The following PPM1E variants were observed in gnomAD, a reference collection of about 807,000 sequenced individuals.
PPM1E encodes the protein protein phosphatase, Mg2+/Mn2+ dependent 1E, also known as protein phosphatase 1E.
A neutral mutation model predicts 65.9 loss-of-function variants in PPM1E; 20 were observed. The observed-to-expected ratio is 0.30, with a 90% CI of 0.21 to 0.44. The LOEUF (loss-of-function observed/expected upper bound fraction) is 0.44. Among genes scored for constraint, PPM1E ranks in the 20% least tolerant of loss-of-function variants. The pLI is 1.00. For missense variants in PPM1E, 713 were observed against 953.1 expected, an observed-to-expected ratio of 0.75 and a Z score of 3.32; for synonymous variants, 352 against 374.9, an observed-to-expected ratio of 0.94 and a Z score of 0.70.
chr17:58,845,389 G>C, intron 1 of PPM1E, among the ~76,000 whole-genome samples: 1 of 150,858 alleles, frequency 6.6e-6, no homozygotes, highest in East Asian at 1.9e-4. Flanking sequence ...CAATTTATTG[G>C]TATTAAGTAT....
At chr17:58,963,410 C>G (rs559604944) in intron 2 of PPM1E, among the ~76,000 whole-genome samples, 1 of 140,684 alleles carries the variant, frequency 7.1e-6, no homozygotes, top group Admixed American at 7.2e-5. Context: ...AAAACTTGGC[C>G]GGGCACAGTG....
intron 1 of PPM1E, among the ~76,000 whole-genome samples, chr17:58,865,599 C>G (rs1005052251): frequency 3.9e-5 from 6 of 152,148 alleles, no homozygotes; most frequent in African/African-American, 1.4e-4. Context: ...ACTCAGAAGG[C>G]TGAGGCAGGA....
chr17:58,853,323 G>C (rs2050847064), intron 1 of PPM1E, among the ~76,000 whole-genome samples: 2 of 152,098 alleles, frequency 1.3e-5, no homozygotes, highest in Admixed American at 1.3e-4. Context: ...TCTTTTGCTT[G>C]TGGATATCCA....
chr17:58,863,798 C>T (rs936454445), intron 1 of PPM1E, among the ~76,000 whole-genome samples: 8 of 152,174 alleles, frequency 5.3e-5, no homozygotes, highest in East Asian at 1.9e-4. Context: ...AACACCTCTC[C>T]GACCATCCCC....
chr17:58,829,214 G>A (rs2050573900), intron 1 of PPM1E, among the ~76,000 whole-genome samples: 1 of 151,734 alleles, frequency 6.6e-6, no homozygotes, highest in Admixed American at 6.6e-5. Flanking sequence ...GGCTAATTTT[G>A]TATATTCAGT....
intron 1 of PPM1E, among the ~76,000 whole-genome samples, chr17:58,841,422 A>G (rs553197761): frequency 5.3e-5 from 8 of 152,268 alleles, no homozygotes; most frequent in African/African-American, 1.9e-4. Flanking sequence ...TTGATATCAT[A>G]TATACCCTCA....
chr17:58,789,498 C>T (rs778377107), intron 1 of PPM1E, among the ~76,000 whole-genome samples: 6 of 152,102 alleles, frequency 3.9e-5, no homozygotes, highest in African/African-American at 1.2e-4. Flanking sequence ...GTTAAATTTA[C>T]ACTGCTTTCA....
intron 3 of PPM1E, among the ~76,000 whole-genome samples, chr17:58,968,618 T>C (rs907877073): frequency 6.6e-6 from 1 of 152,170 alleles, no homozygotes; most frequent in Non-Finnish European, 1.5e-5. Context: ...TCAAAAGACT[T>C]GCAAATGAAA....
intron 1 of PPM1E, among the ~76,000 whole-genome samples, chr17:58,918,412 C>T (rs1032601779): frequency 5.9e-5 from 9 of 152,164 alleles, no homozygotes; most frequent in African/African-American, 2.2e-4. Flanking sequence ...TCATATAAGA[C>T]TAAGTCTAAT....
At chr17:58,881,996 C>CAAAAAAAAAA (rs58449667) in intron 1 of PPM1E, among the ~76,000 whole-genome samples, 1 of 62,258 alleles carries the variant, frequency 1.6e-5, no homozygotes, top group Non-Finnish European at 3.0e-5. Flanking sequence ...CCTGTCTCTA[C>CAAAAAAAAAA]AAAAAAAAAA....
chr17:58,897,392 C>T lies in PPM1E; in HGVS notation c.465-58257C>T, dbSNP rs556445131. On this transcript the variant is annotated intron_variant, in intron 1 of 6. Transcript: ENST00000308249. ...TTGCGCCACTGCACTCCAGCCTGGG[C>T]GACAGAGCGAGACTCCATCTAAAAA... Among the ~76,000 whole-genome samples, 34 of 149,360 alleles carry T rather than the reference C, an allele frequency of 2.3e-4. 1 individual carries two copies. The highest frequency in any genetic ancestry group is 1.8e-3 in the Admixed American group (27 of 14,820).
intron 1 of PPM1E, among the ~76,000 whole-genome samples, chr17:58,777,428 A>G (rs952925709): frequency 4.6e-5 from 7 of 152,106 alleles, no homozygotes; most frequent in African/African-American, 1.7e-4. Context: ...TTTTGCTTTG[A>G]TCTATATTTT....
At position 58,788,173 on chromosome 17, in the gene PPM1E, C is replaced by A. The variant is rs148942188; in HGVS notation, c.464+31712C>A. ...TCAAGCGATTCTCTTGCCTCAGCCT[C>A]CCAAGTAGCTGGGATTACAGGCGCT... On this transcript the variant is annotated intron_variant, in intron 1 of 6. Transcript: ENST00000308249. 3.0e-4 allele frequency among the ~76,000 whole-genome samples: 45 copies of A among 152,170 alleles called. No homozygotes were observed. In the East Asian group the frequency reaches 8.6e-3, roughly 29 times the overall value.
At chr17:58,971,838 G>A (rs555367850) in intron 4 of PPM1E, among the ~76,000 whole-genome samples, 2 of 152,178 alleles carry the variant, frequency 1.3e-5, no homozygotes, top group African/African-American at 4.8e-5. Context: ...ATAGTTACCT[G>A]CCCTTGGGCA....
chr17:58,943,961 C>T (rs961473231), intron 1 of PPM1E, among the ~76,000 whole-genome samples: 1 of 152,154 alleles, frequency 6.6e-6, no homozygotes, highest in Non-Finnish European at 1.5e-5. Context: ...GAATACCCGT[C>T]GTTTCCTACT....
At chr17:58,928,673 CAT>C (rs1287839976) in intron 1 of PPM1E, among the ~76,000 whole-genome samples, 1 of 151,084 alleles carries the variant, frequency 6.6e-6, no homozygotes, top group Non-Finnish European at 1.5e-5. Flanking sequence ...AAAATGAAAA[CAT>C]ATATCTACGA....
intron 1 of PPM1E, among the ~76,000 whole-genome samples, chr17:58,913,435 C>G (rs1225997936): frequency 2.0e-5 from 3 of 152,016 alleles, no homozygotes; most frequent in Non-Finnish European, 4.4e-5. Flanking sequence ...AGGAAAGCTG[C>G]TAAGATAATA....
intron 1 of PPM1E, among the ~76,000 whole-genome samples, chr17:58,821,712 C>T (rs761440736): frequency 1.3e-5 from 2 of 152,076 alleles, no homozygotes; most frequent in East Asian, 1.9e-4. Context: ...GAGTAATAAC[C>T]GAAGTCTTCT....
intron 1 of PPM1E, among the ~76,000 whole-genome samples, chr17:58,868,459 G>T (rs1011296922): frequency 1.3e-5 from 2 of 152,152 alleles, no homozygotes; most frequent in African/African-American, 4.8e-5. Context: ...GTGAGAAGAG[G>T]GAAGTTCCCT....
Sources: allele counts gnomAD v4.1 joint callset (sites outside exome capture counted in the v4.1 genomes callset), GRCh38; gene constraint gnomAD v4.1.1; transcripts MANE v1.5; gene names NCBI Gene and HGNC (gene_info 2026-07-23, HGNC 2026-07-21).